TLL1: variants seen among roughly 807,000 people sequenced by gnomAD.
TLL1 encodes tolloid-like protein 1.
In TLL1, 49 loss-of-function variants were observed where a neutral mutation model predicts 128.2. That is an observed-to-expected ratio of 0.38 (90% CI 0.30 to 0.48). The LOEUF is 0.48. Among genes scored for constraint, TLL1 ranks in the 20% least tolerant of loss-of-function variants. TLL1 has a pLI of 0.96. For synonymous variants in TLL1, 454 were observed against 418.8 expected (o/e 1.08, Z -1.03); for missense variants, 1,123 against 1,242.0 (o/e 0.90, Z 1.44).
intron 1 of TLL1, among the ~76,000 whole-genome samples, chr4:165,964,503 G>T (rs1310633273): frequency 6.6e-6 from 1 of 152,126 alleles, no homozygotes; most frequent in Non-Finnish European, 1.5e-5. Context: ...GCAGATCTGG[G>T]TTCCTCCAGC....
intron 7 of TLL1, among the ~76,000 whole-genome samples, chr4:166,013,479 T>G (rs1737794683): frequency 2.0e-5 from 3 of 151,722 alleles, no homozygotes; most frequent in Admixed American, 2.0e-4. Flanking sequence ...GCTGCATCAT[T>G]TTCTCAATTT....
rs761476585 is a variant in TLL1, at chr4:166,074,935, T to C, written c.2246T>C (p.Met749Thr). 1.2e-6 allele frequency: 2 copies of C among 1,613,680 alleles called. No individual in the cohort carries two copies. The highest frequency in any genetic ancestry group is 1.1e-5 in the South Asian group (1 of 91,078). Residue 749 changes from methionine to threonine, a missense_variant, in exon 17 of 21, where the codon ATG becomes ACG. Physicochemically the swap from Met to Thr is moderately conservative, Grantham distance 81 (BLOSUM62 -1). Transcript: ENST00000061240. ...GGCQHECVNTMGSYMCQCRNG... is the reference protein window; with the variant it reads ...GGCQHECVNTTGSYMCQCRNG... ...TGTCAGCACGAATGTGTCAACACGA[T>C]GGGGAGCTACATGTGTCAATGCCGT...
At chr4:166,058,844 G>A (rs1740153003) in intron 14 of TLL1, among the ~76,000 whole-genome samples, 2 of 152,198 alleles carry the variant, frequency 1.3e-5, no homozygotes, top group African/African-American at 4.8e-5. Context: ...GATATAATAA[G>A]TGGCAAAGGG....
intron 1 of TLL1, among the ~76,000 whole-genome samples, chr4:165,969,606 G>A (rs1435168239): frequency 6.6e-6 from 1 of 152,094 alleles, no homozygotes; most frequent in East Asian, 1.9e-4. Flanking sequence ...TAAAAGTTAT[G>A]ATAGCAGAGA....
At position 166,065,779 on chromosome 4, in the gene TLL1, A is replaced by G. The variant is rs747080284; in HGVS notation, c.2104A>G (p.Thr702Ala). The change falls in exon 16 of 21, where the codon ACA (threonine) becomes GCA (alanine). Residue 702 changes from threonine (T) to alanine (A), a missense_variant. Physicochemically the swap from Thr to Ala is moderately conservative, Grantham distance 58. Transcript: ENST00000061240. Reference sequence around the variant, plus strand: ...TGGCGCTGAAGTGCCTGAAGTGATCACATCCCAGTTCAACAATATGAGAAT... The same window carrying G: ...TGGCGCTGAAGTGCCTGAAGTGATCGCATCCCAGTTCAACAATATGAGAAT... The part of the protein sequence containing the change: ...FCGAEVPEVI[T>A]SQFNNMRIEF... The G allele has an allele frequency of 2.5e-6, 4 of 1,613,124 alleles. 1 individual carries two copies. The South Asian group carries it at 3.3e-5, about 13-fold the overall frequency.
chr4:166,023,834 C>T (rs1738360932), intron 8 of TLL1, among the ~76,000 whole-genome samples: 1 of 151,862 alleles, frequency 6.6e-6, no homozygotes, highest in Non-Finnish European at 1.5e-5. Flanking sequence ...TGAGGAAATT[C>T]AGTACTGGCA....
intron 1 of TLL1, among the ~76,000 whole-genome samples, chr4:165,979,500 G>T (rs1560787383): frequency 6.6e-6 from 1 of 152,090 alleles, no homozygotes. Context: ...GAGTTTGGAA[G>T]AATAGAAACA....
At chr4:166,030,191 G>A (rs907045971) in intron 9 of TLL1, among the ~76,000 whole-genome samples, 6 of 152,046 alleles carry the variant, frequency 3.9e-5, no homozygotes, top group African/African-American at 1.4e-4. Flanking sequence ...ATCCTACTGG[G>A]TGTCAGGTGA....
chr4:165,894,071 C>T (rs1166375616), intron 1 of TLL1, among the ~76,000 whole-genome samples: 2 of 152,060 alleles, frequency 1.3e-5, no homozygotes, highest in African/African-American at 4.8e-5. Context: ...TATATTATAA[C>T]ACTGAAGTAA....
At chr4:165,949,716 G>T (rs1010604825) in intron 1 of TLL1, among the ~76,000 whole-genome samples, 8 of 152,034 alleles carry the variant, frequency 5.3e-5, no homozygotes, top group Admixed American at 3.9e-4. Context: ...TAGTCTCATG[G>T]TACTTATTCA....
At chr4:166,071,875 C>T (rs191214347) in intron 16 of TLL1, among the ~76,000 whole-genome samples, 3 of 152,016 alleles carry the variant, frequency 2.0e-5, no homozygotes, top group East Asian at 3.9e-4. Context: ...TATTAACTCC[C>T]GTTCAAACAA....
intron 9 of TLL1, among the ~76,000 whole-genome samples, chr4:166,033,146 A>G (rs953095546): frequency 3.9e-5 from 6 of 152,154 alleles, no homozygotes; most frequent in African/African-American, 1.2e-4. Context: ...ACCTTTTAGA[A>G]GCACATTGGG....
chr4:166,070,939 T>G (rs1257775304), intron 16 of TLL1, among the ~76,000 whole-genome samples: 3 of 151,944 alleles, frequency 2.0e-5, no homozygotes, highest in African/African-American at 7.2e-5. Context: ...TGCTTCCAAG[T>G]TTTCATCATT....
In TLL1 at chr4:166,003,568, A is replaced by G; in HGVS notation, c.810A>G (p.Pro270=). Residue 270 remains proline, a splice_region_variant and synonymous_variant, in exon 6 of 21, where the codon CCA becomes CCG. Transcript: ENST00000061240. ...CTATCATAAGAGAAAACATCCAGCC[A>G]GGTGAGAGGCATAGAATGTGTTGGG... ...HVTIIRENIQ[P]GQEYNFLKME... The G allele has an allele frequency of 6.2e-7, 1 of 1,613,870 alleles. No individual in the cohort carries two copies. Among genetic ancestry groups the G allele is most frequent in the Non-Finnish European group, 8.5e-7 (1 of 1,179,796 alleles).
At chr4:165,945,383 G>T (rs935688805) in intron 1 of TLL1, among the ~76,000 whole-genome samples, 7 of 152,128 alleles carry the variant, frequency 4.6e-5, no homozygotes, top group African/African-American at 1.7e-4. Context: ...ACTTTGAAAA[G>T]AATGATACAT....
intron 19 of TLL1, among the ~76,000 whole-genome samples, chr4:166,096,939 T>A (rs180772585): frequency 1.6e-3 from 245 of 152,184 alleles, no homozygotes; most frequent in African/African-American, 4.9e-3. Context: ...CATACCTGAG[T>A]GGATCGTAGA....
intron 1 of TLL1, among the ~76,000 whole-genome samples, chr4:165,900,805 C>A (rs1474379946): frequency 1.3e-5 from 2 of 152,160 alleles, no homozygotes; most frequent in Non-Finnish European, 2.9e-5. Flanking sequence ...TGGGGAAGTT[C>A]TCCTGGATCA....
intron 18 of TLL1, among the ~76,000 whole-genome samples, chr4:166,081,592 T>C (rs372719923): frequency 5.3e-5 from 8 of 152,136 alleles, no homozygotes; most frequent in South Asian, 2.1e-4. Flanking sequence ...ACCAATTTTA[T>C]CAGAATGCTT....
At chr4:166,024,786 A>G (rs1198780966) in intron 8 of TLL1, among the ~76,000 whole-genome samples, 1 of 152,064 alleles carries the variant, frequency 6.6e-6, no homozygotes, top group East Asian at 1.9e-4. Context: ...CATGATGTTT[A>G]TATACATATA....
Sources: gnomAD v4.1 joint callset for allele counts (sites outside exome capture counted in the v4.1 genomes callset) on GRCh38, gnomAD v4.1.1 for gene constraint, MANE v1.5 for transcripts, NCBI Gene and HGNC (gene_info 2026-07-23, HGNC 2026-07-21) for gene names.